The following LTBP1 variants were observed in gnomAD, a reference collection of about 807,000 sequenced individuals.
LTBP1 encodes the protein latent-transforming growth factor beta-binding protein 1.
A neutral mutation model predicts 207.6 loss-of-function variants in LTBP1; 129 were observed. That is an observed-to-expected ratio of 0.62 (90% CI 0.54 to 0.72). The LOEUF is 0.72. Ranked by LOEUF, LTBP1 falls within the 30% of genes least tolerant of loss-of-function variation. The pLI is 0.00. For synonymous variants in LTBP1, 963 were observed against 833.7 expected (o/e 1.16, Z -2.67); for missense variants, 2,281 against 2,217.2 (o/e 1.03, Z -0.58).
At chr2:33,092,442 A>G (rs1434843072) in intron 3 of LTBP1, among the ~76,000 whole-genome samples, 1 of 152,264 alleles carries the variant, frequency 6.6e-6, no homozygotes, top group African/African-American at 2.4e-5. Context: ...GCTTTGAAGC[A>G]AAAAAGGAAG....
In LTBP1 at chr2:33,102,421, C is replaced by T. The variant is rs557906691; in HGVS notation, c.864-8161C>T. Among the ~76,000 whole-genome samples, 7 of 152,236 alleles carry T rather than the reference C, an allele frequency of 4.6e-5. No homozygotes were observed. In the South Asian group the frequency reaches 1.5e-3, roughly 32 times the overall value. The stretch of plus-strand genomic sequence containing the variant: ...AAGTGTCCCTGAGAAGCAAATACAG[C>T]CCCTGGTTAAGAACCACTGGTAAAG... On this transcript the variant is annotated intron_variant, in intron 3 of 33. Coordinates refer to ENST00000404816, the MANE Select transcript of LTBP1 (RefSeq NM_206943.4).
chr2:33,150,798 G>A (rs1482400273), intron 5 of LTBP1, among the ~76,000 whole-genome samples: 3 of 142,654 alleles, frequency 2.1e-5, no homozygotes, highest in South Asian at 2.3e-4. Flanking sequence ...CCTGGGAGGC[G>A]GAGGTTGGCT....
chr2:33,048,609 G>A (rs1011911604), intron 3 of LTBP1, among the ~76,000 whole-genome samples: 15 of 152,114 alleles, frequency 9.9e-5, no homozygotes, highest in Admixed American at 8.5e-4. Flanking sequence ...TATAATAGTC[G>A]ACATCCAGAC....
chr2:33,180,747 T>C (rs1558765808), intron 5 of LTBP1, among the ~76,000 whole-genome samples: 1 of 152,162 alleles, frequency 6.6e-6, no homozygotes, highest in Non-Finnish European at 1.5e-5. Flanking sequence ...TGAGTCACCG[T>C]GCCCAGCCTA....
At chr2:33,143,677 G>T (rs1482083946) in intron 5 of LTBP1, among the ~76,000 whole-genome samples, 1 of 152,114 alleles carries the variant, frequency 6.6e-6, no homozygotes, top group East Asian at 1.9e-4. Flanking sequence ...AGCTGTTCCT[G>T]CTGCACAGAA....
intron 26 of LTBP1, among the ~76,000 whole-genome samples, chr2:33,349,818 T>C (rs1014082359): frequency 2.0e-5 from 3 of 152,232 alleles, no homozygotes; most frequent in Non-Finnish European, 4.4e-5. Context: ...ATTATGTAAG[T>C]ACAGTAATCA....
chr2:33,174,428 A>T (rs1325738092), intron 5 of LTBP1, among the ~76,000 whole-genome samples: 1 of 152,196 alleles, frequency 6.6e-6, no homozygotes, highest in African/African-American at 2.4e-5. Flanking sequence ...ATAATAAAAT[A>T]CTTAGGAATC....
chr2:33,155,366 T>C (rs117243505), intron 5 of LTBP1, among the ~76,000 whole-genome samples: 2,285 of 152,266 alleles, frequency 0.015, 23 homozygotes, highest in East Asian at 0.026. Context: ...CCACGCCCAG[T>C]CTCTAATACA....
chr2:33,060,651 CTG>C (rs10693285), intron 3 of LTBP1, among the ~76,000 whole-genome samples: 17,495 of 146,550 alleles, frequency 0.12, 1,095 homozygotes, highest in African/African-American at 0.16. Flanking sequence ...AAATTCAGAT[CTG>C]TGTGTGTGTG....
chr2:33,295,436 A>G (rs938101044), intron 20 of LTBP1, among the ~76,000 whole-genome samples: 2 of 152,144 alleles, frequency 1.3e-5, no homozygotes, highest in African/African-American at 4.8e-5. Flanking sequence ...CTGAGACACA[A>G]GAATCACTTG....
At chr2:32,982,791 T>C (rs1439936092) in intron 2 of LTBP1, among the ~76,000 whole-genome samples, 1 of 152,212 alleles carries the variant, frequency 6.6e-6, no homozygotes, top group Non-Finnish European at 1.5e-5. Flanking sequence ...AAGTCAAGAA[T>C]TGAGGTTTGG....
At chr2:33,256,359 C>G (rs2092850716) in intron 11 of LTBP1, among the ~76,000 whole-genome samples, 1 of 152,108 alleles carries the variant, frequency 6.6e-6, no homozygotes, top group African/African-American at 2.4e-5. Flanking sequence ...CCTTTTCCGT[C>G]CTCCGTAATC....
At chr2:33,292,875 C>T (rs1356495886) in intron 19 of LTBP1, among the ~76,000 whole-genome samples, 5 of 152,182 alleles carry the variant, frequency 3.3e-5, no homozygotes, top group Admixed American at 2.6e-4. Flanking sequence ...TCTCCCGTCT[C>T]TTCCTTCCTC....
chr2:33,187,150 A>C, intron 6 of LTBP1, 70 bp downstream of exon 6: 1 of 1,382,372 alleles, frequency 7.2e-7, no homozygotes. Context: ...GAAGTCAAGG[A>C]TCTGCGGGTG....
At chr2:33,197,658 A>G (rs980130715) in intron 7 of LTBP1, among the ~76,000 whole-genome samples, 4 of 152,202 alleles carry the variant, frequency 2.6e-5, no homozygotes, top group Non-Finnish European at 5.9e-5. Context: ...GATTGTTTCA[A>G]ACATGTTTTA....
chr2:33,074,698 G>C (rs111445957), intron 3 of LTBP1, among the ~76,000 whole-genome samples: 1 of 151,924 alleles, frequency 6.6e-6, no homozygotes, highest in African/African-American at 2.4e-5. Flanking sequence ...GTGAAACCCC[G>C]TCTCTACTAA....
rs930926471 is a variant in LTBP1 at position 33,277,978 on chromosome 2, C to T, written c.2992+2055C>T. Among the ~76,000 whole-genome samples the T allele has an allele frequency of 1.3e-4, 19 of 151,210 alleles. No homozygotes were observed. The East Asian group carries it at 1.4e-3, about 11-fold the overall frequency. On this transcript the variant is annotated intron_variant, in intron 18 of 33. Coordinates refer to ENST00000404816, the MANE Select transcript of LTBP1 (RefSeq NM_206943.4). ...CTGAGTAGCTGGGACTACAGGTGAC[C>T]GCCACCATGCCCGGCTAATTTTTTT... is the stretch of plus-strand genomic sequence containing the variant.
chr2:32,951,924 G>A (rs28691834), intron 2 of LTBP1, among the ~76,000 whole-genome samples: 30 of 152,202 alleles, frequency 2.0e-4, no homozygotes, highest in Admixed American at 1.8e-3. Flanking sequence ...CCAATGATAC[G>A]CCCACATGAA....
intron 5 of LTBP1, among the ~76,000 whole-genome samples, chr2:33,177,559 T>G (rs1374989311): frequency 6.6e-6 from 1 of 152,070 alleles, no homozygotes; most frequent in Non-Finnish European, 1.5e-5. Context: ...TCTCAGCTAC[T>G]TGGGATGCTG....
Sources: allele counts gnomAD v4.1 joint callset (sites outside exome capture counted in the v4.1 genomes callset), GRCh38; gene constraint gnomAD v4.1.1; transcripts MANE v1.5; gene names NCBI Gene and HGNC (gene_info 2026-07-23, HGNC 2026-07-21).